The following LIX1 variants were observed in gnomAD, a reference collection of about 807,000 sequenced individuals.
The protein encoded by LIX1 is protein limb expression 1 homolog.
LIX1 carries 24 observed loss-of-function variants against 33.4 expected under a neutral mutation model. That is an observed-to-expected ratio of 0.72 (90% CI 0.52 to 1.01). The LOEUF is 1.01. Among genes scored for constraint, LIX1 ranks in the 50% least tolerant of loss-of-function variants. The pLI, the probability that LIX1 is intolerant of heterozygous loss-of-function variation, is 0.00. For missense variants in LIX1, 311 were observed against 339.2 expected (o/e 0.92, Z 0.65); for synonymous variants, 124 against 124.0 (o/e 1.00, Z 0.00).
intron 2 of LIX1, among the ~76,000 whole-genome samples, chr5:97,118,555 G>A (rs182439289): frequency 6.6e-6 from 1 of 152,228 alleles, no homozygotes; most frequent in East Asian, 1.9e-4. Flanking sequence ...GCTAGGGAAG[G>A]ATTAACTGCC....
chr5:97,098,821 C>G (rs539790925), intron 4 of LIX1, among the ~76,000 whole-genome samples: 1 of 152,282 alleles, frequency 6.6e-6, no homozygotes, highest in Non-Finnish European at 1.5e-5. Context: ...AGGTTTTAGG[C>G]ATCTTAAAAT....
At chr5:97,109,127 C>T (rs1747226217) in intron 2 of LIX1, among the ~76,000 whole-genome samples, 1 of 152,138 alleles carries the variant, frequency 6.6e-6, no homozygotes, top group Admixed American at 6.5e-5. Context: ...AGCCAGTTTC[C>T]AAGTCCTCTG....
At chr5:97,131,558 A>G (rs973471238) in intron 1 of LIX1, among the ~76,000 whole-genome samples, 1 of 152,162 alleles carries the variant, frequency 6.6e-6, no homozygotes, top group Non-Finnish European at 1.5e-5. Context: ...CCTTGTGGTA[A>G]CAATTCATCT....
intron 2 of LIX1, among the ~76,000 whole-genome samples, chr5:97,123,117 T>C (rs1288603899): frequency 6.6e-6 from 1 of 152,186 alleles, no homozygotes; most frequent in African/African-American, 2.4e-5. Flanking sequence ...ATCTTTCTTC[T>C]TTTATTTCCC....
chr5:97,091,915 A>G lies in LIX1; in HGVS notation c.*2833T>C, dbSNP rs1746085257. The stretch of plus-strand genomic sequence containing the variant: ...TTATTAAATCTGTACTTTCTGACCC[A>G]TTTATCCAAGTTTAGTGACAGTTTG... On this transcript the variant is annotated 3_prime_UTR_variant, in exon 6 of 6. Coordinates refer to ENST00000274382, the MANE Select transcript of LIX1 (RefSeq NM_153234.5). The G allele has an allele frequency of 6.6e-6, 1 of 152,326 alleles. No individual in the cohort carries two copies. The highest frequency in any genetic ancestry group is 2.1e-4 in the South Asian group (1 of 4,832). 9.4% of individuals were successfully genotyped at this position (152,326 alleles called of 1,614,324 possible).
At chr5:97,098,666 A>AGACCCTGAGT (rs1293615329) in intron 4 of LIX1, among the ~76,000 whole-genome samples, 1 of 152,152 alleles carries the variant, frequency 6.6e-6, no homozygotes, top group Non-Finnish European at 1.5e-5. Flanking sequence ...AGGAGAATTG[A>AGACCCTGAGT]TTGAGCCCAA....
intron 1 of LIX1, among the ~76,000 whole-genome samples, chr5:97,134,816 G>A (rs115446951): frequency 4.8e-4 from 73 of 152,298 alleles, no homozygotes; most frequent in African/African-American, 1.7e-3. Flanking sequence ...ATGGAATCTT[G>A]TGGACACACA....
Position 97,094,871 on chromosome 5 carries a change from TA to T in LIX1, c.725del (p.Leu242HisfsTer11). 6.2e-7 allele frequency: 1 copy of T among 1,614,226 alleles called. No individual in the cohort carries two copies. The highest frequency in any genetic ancestry group is 8.5e-7 in the Non-Finnish European group (1 of 1,180,032). Reference sequence around the variant, plus strand: ...TTTCTTTCTTTTCTTTGTAAAACCGTAGTTCTTGTCCTGCTTTCCTGGCTTC... The same window carrying T: ...TTTCTTTCTTTTCTTTGTAAAACCGTGTTCTTGTCCTGCTTTCCTGGCTTC... Reference protein sequence around the residue: ...LEEARKAGQELRFYKEKKEIL... With the variant: ...LEEARKAGQEXRFYKEKKEIL... On this transcript the variant is annotated frameshift_variant, in exon 6 of 6. Transcript: ENST00000274382. LOFTEE classifies it high-confidence loss of function.
At chr5:97,099,925 C>T (rs771300365) in intron 4 of LIX1, among the ~76,000 whole-genome samples, 8 of 152,198 alleles carry the variant, frequency 5.3e-5, no homozygotes, top group Non-Finnish European at 8.8e-5. Flanking sequence ...GACACATATA[C>T]TGGATTTATT....
At chr5:97,131,045 G>A (rs1415042692) in intron 1 of LIX1, among the ~76,000 whole-genome samples, 4 of 152,198 alleles carry the variant, frequency 2.6e-5, no homozygotes, top group Non-Finnish European at 5.9e-5. Flanking sequence ...TCTCTTGTAA[G>A]TGAGGTTTTC....
chr5:97,095,243 T>C lies in LIX1; in HGVS notation c.562-208A>G, dbSNP rs969623073. 7.2e-5 allele frequency among the ~76,000 whole-genome samples: 11 copies of C among 152,300 alleles called. No individual in the cohort carries two copies. The South Asian group carries it at 1.2e-3, about 17-fold the overall frequency. ...GCCTAGCAAAGCACACCACTCCAGGTTGAGTCAAAACACACCACCAGGAAT... is the reference window on the plus strand; with the variant it reads ...GCCTAGCAAAGCACACCACTCCAGGCTGAGTCAAAACACACCACCAGGAAT... On this transcript the variant is annotated intron_variant, in intron 5 of 5. Coordinates refer to ENST00000274382, the MANE Select transcript of LIX1 (RefSeq NM_153234.5).
intron 2 of LIX1, among the ~76,000 whole-genome samples, chr5:97,115,479 A>G (rs990941331): frequency 6.6e-6 from 1 of 152,186 alleles, no homozygotes; most frequent in African/African-American, 2.4e-5. Flanking sequence ...GGCAGGATAC[A>G]TGTGTTGAGT....
chr5:97,114,849 C>T (rs1053535425), intron 2 of LIX1, among the ~76,000 whole-genome samples: 7 of 152,104 alleles, frequency 4.6e-5, no homozygotes, highest in African/African-American at 1.7e-4. Flanking sequence ...AAAAGATTGG[C>T]GTTGTGATTT....
intron 4 of LIX1, among the ~76,000 whole-genome samples, chr5:97,099,152 C>T (rs1336129630): frequency 1.3e-5 from 2 of 152,212 alleles, no homozygotes; most frequent in Non-Finnish European, 2.9e-5. Context: ...CTCCTGGCCC[C>T]TCTCCTCCAC....
chr5:97,096,925 G>C, intron 4 of LIX1, 38 bp from the exon 5 acceptor site: 1 of 1,474,086 alleles, frequency 6.8e-7, no homozygotes, highest in Non-Finnish European at 9.5e-7. Context: ...TCCCAAAGCA[G>C]AAATGTGCAT....
At chr5:97,103,822 G>A (rs906707995) in intron 4 of LIX1, among the ~76,000 whole-genome samples, 2 of 151,886 alleles carry the variant, frequency 1.3e-5, no homozygotes, top group South Asian at 2.1e-4. Context: ...AAAATTAGCC[G>A]GGCATGGTGG....
Position 97,123,115 on chromosome 5 carries a change from T to C in LIX1, c.246+1351A>G, listed in dbSNP as rs117983702. Among the ~76,000 whole-genome samples the C allele has an allele frequency of 1.8e-4, 27 of 152,302 alleles. No homozygotes were observed. In the East Asian group the frequency reaches 5.0e-3, roughly 28 times the overall value. On this transcript the variant is annotated intron_variant, in intron 2 of 5. Transcript: ENST00000274382. ...ATGGGCTTTTTAGAGAAATCTTTCT[T>C]CTTTTATTTCCCCCACTAAAACTGT...
chr5:97,124,956 T>C (rs1454656935), intron 1 of LIX1, among the ~76,000 whole-genome samples: 1 of 152,126 alleles, frequency 6.6e-6, no homozygotes, highest in African/African-American at 2.4e-5. Flanking sequence ...ATAAATTAAT[T>C]TTTAATATAA....
chr5:97,142,367 A>G, intron 1 of LIX1, 128 bp downstream of exon 1: 1 of 644,380 alleles, frequency 1.6e-6, no homozygotes, highest in South Asian at 2.0e-5. Flanking sequence ...GGAACAAGTT[A>G]AAATATCACT....
Sources: gnomAD v4.1 joint callset for allele counts (sites outside exome capture counted in the v4.1 genomes callset) on GRCh38, gnomAD v4.1.1 for gene constraint, MANE v1.5 for transcripts, NCBI Gene and HGNC (gene_info 2026-07-23, HGNC 2026-07-21) for gene names.